Variants in GUCY1A2 observed in about 807,000 individuals in gnomAD.
GUCY1A2 encodes the protein guanylate cyclase 1 soluble subunit alpha 2.
In GUCY1A2, 27 loss-of-function variants were observed where a neutral mutation model predicts 63.5. The observed-to-expected ratio is 0.43, with a 90% CI of 0.31 to 0.59. The LOEUF (loss-of-function observed/expected upper bound fraction) is 0.59. Among genes scored for constraint, GUCY1A2 ranks in the 20% least tolerant of loss-of-function variants. GUCY1A2 has a pLI of 0.11. For missense variants in GUCY1A2, 768 were observed against 913.3 expected, an observed-to-expected ratio of 0.84 and a Z score of 2.05; for synonymous variants, 364 against 343.5, an observed-to-expected ratio of 1.06 and a Z score of -0.66.
At chr11:106,868,916 C>T (rs975671411) in intron 4 of GUCY1A2, among the ~76,000 whole-genome samples, 3 of 152,078 alleles carry the variant, frequency 2.0e-5, no homozygotes, top group Admixed American at 1.3e-4. Context: ...GAGATATAGA[C>T]CAATGGAACA....
At chr11:106,800,294 T>G (rs573486038) in intron 5 of GUCY1A2, among the ~76,000 whole-genome samples, 1 of 152,332 alleles carries the variant, frequency 6.6e-6, no homozygotes, top group African/African-American at 2.4e-5. Context: ...TTGGTGGGAC[T>G]GTAAACTAGT....
rs183285871 is a variant in GUCY1A2, at chr11:106,867,959, C to T, written c.1207-57481G>A. Among the ~76,000 whole-genome samples, 11 of 152,098 alleles carry T rather than the reference C, an allele frequency of 7.2e-5. No homozygotes were observed. In the East Asian group the frequency reaches 1.9e-3, roughly 27 times the overall value. On this transcript the variant is annotated intron_variant, in intron 4 of 7. Transcript: ENST00000526355. The stretch of plus-strand genomic sequence containing the variant: ...TTGAATTTATATGAGAATTGCCTCT[C>T]CCACCTTAAATACACACCCCAACCC...
intron 7 of GUCY1A2, among the ~76,000 whole-genome samples, chr11:106,701,650 A>G (rs997123850): frequency 6.6e-6 from 1 of 152,174 alleles, no homozygotes; most frequent in African/African-American, 2.4e-5. Context: ...GAGACAATGT[A>G]GAGAAGTTAA....
At chr11:106,761,646 G>A (rs1050347790) in intron 6 of GUCY1A2, among the ~76,000 whole-genome samples, 9 of 152,090 alleles carry the variant, frequency 5.9e-5, no homozygotes, top group African/African-American at 2.2e-4. Flanking sequence ...GTGTAAAACA[G>A]GAATTAGTAA....
rs180984957 is a variant in GUCY1A2, at chr11:106,728,547, G to A, written c.1837-19881C>T. 3.3e-5 allele frequency among the ~76,000 whole-genome samples: 5 copies of A among 152,276 alleles called. No individual in the cohort carries two copies. In the South Asian group the frequency reaches 1.0e-3, roughly 32 times the overall value. On this transcript the variant is annotated intron_variant, in intron 6 of 7. Coordinates refer to ENST00000526355, the MANE Select transcript of GUCY1A2 (RefSeq NM_000855.3). ...AATGAGACAGAACACAAGCCATGTG[G>A]ATGTGCAGATGGTGAACACTAATCT...
chr11:106,967,175 C>G (rs1861136818), intron 3 of GUCY1A2, among the ~76,000 whole-genome samples: 1 of 152,170 alleles, frequency 6.6e-6, no homozygotes, highest in African/African-American at 2.4e-5. Context: ...TGCTTGTTCT[C>G]TGGCTGAAAT....
rs192464922 is a variant in GUCY1A2 at position 106,720,312 on chromosome 11, G to A, written c.1837-11646C>T. Among the ~76,000 whole-genome samples the A allele has an allele frequency of 7.9e-4, 120 of 152,274 alleles. 1 individual carries two copies. The highest frequency in any genetic ancestry group is 1.5e-3 in the Admixed American group (23 of 15,300). ...TTGTGAGGGGCAATGGGACTCCAAA[G>A]GCAAACGACTTTGTCTTGGGCGTTG... On this transcript the variant is annotated intron_variant, in intron 6 of 7. Coordinates refer to ENST00000526355, the MANE Select transcript of GUCY1A2 (RefSeq NM_000855.3).
intron 1 of GUCY1A2, among the ~76,000 whole-genome samples, chr11:107,000,775 CCTTTT>C (rs1425398397): frequency 1.3e-5 from 2 of 152,116 alleles, no homozygotes; most frequent in Admixed American, 6.6e-5. Context: ...TCTATCCTTT[CCTTTT>C]TAGAAAATAA....
At chr11:106,822,476 T>C (rs913595792) in intron 4 of GUCY1A2, among the ~76,000 whole-genome samples, 2 of 152,172 alleles carry the variant, frequency 1.3e-5, no homozygotes, top group South Asian at 2.1e-4. Flanking sequence ...GTAGACAGCA[T>C]AGTACCCAAC....
chr11:106,983,834 C>T (rs1861367486), intron 2 of GUCY1A2, among the ~76,000 whole-genome samples: 1 of 152,162 alleles, frequency 6.6e-6, no homozygotes, highest in Non-Finnish European at 1.5e-5. Context: ...ACTCTCAATT[C>T]TCAATACAGG....
intron 4 of GUCY1A2, among the ~76,000 whole-genome samples, chr11:106,853,347 A>AT (rs1398239684): frequency 6.6e-6 from 1 of 151,776 alleles, no homozygotes; most frequent in Non-Finnish European, 1.5e-5. Context: ...GCTTTTTAAA[A>AT]TTTTTTTGGT....
At chr11:106,847,204 C>T (rs1859285347) in intron 4 of GUCY1A2, among the ~76,000 whole-genome samples, 1 of 143,324 alleles carries the variant, frequency 7.0e-6, no homozygotes, top group Admixed American at 7.1e-5. Context: ...CCAAGATACA[C>T]ATTTGTTATA....
intron 3 of GUCY1A2, among the ~76,000 whole-genome samples, chr11:106,943,894 G>T (rs1160571376): frequency 6.6e-6 from 1 of 151,974 alleles, no homozygotes; most frequent in Non-Finnish European, 1.5e-5. Context: ...GACAATGTTT[G>T]AAGGGAGACT....
chr11:107,014,516 G>A (rs985845401), intron 1 of GUCY1A2, among the ~76,000 whole-genome samples: 17 of 151,972 alleles, frequency 1.1e-4, no homozygotes, highest in African/African-American at 2.2e-4. Flanking sequence ...CAGGTCTCCC[G>A]AATTCTGGAA....
At chr11:106,865,157 C>T (rs1489507059) in intron 4 of GUCY1A2, among the ~76,000 whole-genome samples, 3 of 152,048 alleles carry the variant, frequency 2.0e-5, no homozygotes, top group African/African-American at 7.2e-5. Context: ...TTATTCACTT[C>T]TTCTGGATTT....
chr11:106,746,894 C>A (rs1863797486), intron 6 of GUCY1A2, among the ~76,000 whole-genome samples: 1 of 152,114 alleles, frequency 6.6e-6, no homozygotes, highest in South Asian at 2.1e-4. Flanking sequence ...AAGGCACCCA[C>A]GTGATAAAAA....
intron 6 of GUCY1A2, among the ~76,000 whole-genome samples, chr11:106,768,026 A>G (rs1864192863): frequency 6.6e-6 from 1 of 152,220 alleles, no homozygotes; most frequent in Non-Finnish European, 1.5e-5. Flanking sequence ...GGGAAAATAT[A>G]GAAAAAAAGC....
intron 6 of GUCY1A2, among the ~76,000 whole-genome samples, chr11:106,715,933 C>T (rs753011512): frequency 6.6e-6 from 1 of 152,168 alleles, no homozygotes; most frequent in South Asian, 2.1e-4. Context: ...GGGCAGGGCA[C>T]TACTGACAGG....
At chr11:106,787,554 AAGAG>A (rs1309885546) in intron 5 of GUCY1A2, among the ~76,000 whole-genome samples, 1 of 542 alleles carries the variant, frequency 1.8e-3, no homozygotes, top group East Asian at 0.045. Flanking sequence ...AAGATAGAGA[AAGAG>A]AGAGAGACAG....
Sources: allele counts gnomAD v4.1 joint callset (sites outside exome capture counted in the v4.1 genomes callset), GRCh38; gene constraint gnomAD v4.1.1; transcripts MANE v1.5; gene names NCBI Gene and HGNC (gene_info 2026-07-23, HGNC 2026-07-21).